PRR22: variants seen among roughly 807,000 people sequenced by gnomAD.
The protein encoded by PRR22 is proline-rich protein 22.
A neutral mutation model predicts 7.2 loss-of-function variants in PRR22; 5 were observed. That is an observed-to-expected ratio of 0.69 (90% CI 0.36 to 1.45). The LOEUF is 1.45. Among genes scored for constraint, PRR22 ranks in the 40% most tolerant of loss-of-function variants. The probability of loss-of-function intolerance (pLI) is 0.03; values close to 1 mark genes in which losing one functional copy is unlikely to be tolerated. For synonymous variants in PRR22, 319 were observed against 269.3 expected (o/e 1.18, Z -1.81); for missense variants, 619 against 568.8 (o/e 1.09, Z -0.90).
chr19:5,783,372 A>T lies in PRR22; in HGVS notation c.875T>A (p.Leu292His), dbSNP rs1449458898. 2 of 1,612,536 alleles carry T rather than the reference A, an allele frequency of 1.2e-6. No homozygotes were observed. The highest frequency in any genetic ancestry group is 3.3e-5 in the Admixed American group (2 of 59,990). The change falls in exon 3 of 3, where the codon CTC becomes CAC. Residue 292 changes from leucine to histidine, a missense_variant. Coordinates refer to ENST00000419421, the MANE Select transcript of PRR22 (RefSeq NM_001134316.2). Reference sequence around the variant, plus strand: ...AGAGGCGCCTGGCAGGCAGTCGAAGAGCTTCATGGCGTCCTCCAGCAGAAC... The same window carrying T: ...AGAGGCGCCTGGCAGGCAGTCGAAGTGCTTCATGGCGTCCTCCAGCAGAAC... ...DKVLLEDAMK[L>H]FDCLPGASEP...
Position 5,783,023 on chromosome 19 carries a change from G to T in PRR22, c.1224C>A (p.Ala408=), listed in dbSNP as rs754693488. Residue 408 remains alanine (A), a synonymous_variant, in exon 3 of 3, where the codon GCC becomes GCA. Coordinates refer to ENST00000419421, the MANE Select transcript of PRR22 (RefSeq NM_001134316.2). ...KARQPAGPAS[A]TPPGPREDLG... ...GGTCCTCCCTGGGCCCCGGGGGAGT[G>T]GCGCTGGCTGGGCCTGCCGGCTGCC... The T allele has an allele frequency of 6.4e-7, 1 of 1,554,932 alleles. No homozygotes were observed. The highest frequency in any genetic ancestry group is 1.2e-5 in the South Asian group (1 of 80,914).
chr19:5,783,078 G>A lies in PRR22; in HGVS notation c.1169C>T (p.Ala390Val), dbSNP rs1047128939. The change falls in exon 3 of 3, where the codon GCC (alanine) becomes GTC (valine). Residue 390 changes from alanine to valine, a missense_variant. Physicochemically the swap from Ala to Val is moderately conservative, Grantham distance 64. Coordinates refer to ENST00000419421, the MANE Select transcript of PRR22 (RefSeq NM_001134316.2). ...ILSGKRKAST[A>V]KKGKPGRKAR... ...CTTCCTTCCCGGCTTTCCCTTCTTGGCCGTCGAGGCCTTTCTCTTGCCAGA... is the reference window on the plus strand; with the variant it reads ...CTTCCTTCCCGGCTTTCCCTTCTTGACCGTCGAGGCCTTTCTCTTGCCAGA... 4.4e-6 allele frequency: 7 copies of A among 1,602,488 alleles called. No homozygotes were observed. Among genetic ancestry groups the A allele is most frequent in the Non-Finnish European group, 6.0e-6 (7 of 1,173,610 alleles).
Position 5,783,510 on chromosome 19 carries a change from T to C in PRR22, c.737A>G (p.Tyr246Cys). The change falls in exon 3 of 3, where the codon TAC (tyrosine) becomes TGC (cysteine). Residue 246 changes from tyrosine (Y) to cysteine (C), a missense_variant. Tyr to Cys is a radical substitution (Grantham distance 194). Transcript: ENST00000419421. ...GSGARPGVPL[Y>C]PPGLSELKVA... ...CTTGAGCTCGCTGAGGCCCGGTGGGTACAGGGGCACCCCAGGTCGGGCCCC... is the reference window on the plus strand; with the variant it reads ...CTTGAGCTCGCTGAGGCCCGGTGGGCACAGGGGCACCCCAGGTCGGGCCCC... 6.2e-7 allele frequency: 1 copy of C among 1,603,826 alleles called. No individual in the cohort carries two copies.
rs543253527 is a variant in PRR22 at position 5,784,726 on chromosome 19, C to T, written c.-66G>A. ...GCAGTGGGAGTGCAAGTGGCCCAAC[C>T]GGAGAACAGGCTGAGAACCTGGTGG... On this transcript the variant is annotated 5_prime_UTR_variant, in exon 1 of 3. Transcript: ENST00000419421. 1,789 of 1,504,706 alleles carry T rather than the reference C, an allele frequency of 1.2e-3. 16 individuals are homozygous for T. The highest frequency in any genetic ancestry group is 7.8e-3 in the South Asian group (624 of 79,864). The allele number at this position is 1,504,706 out of a possible 1,614,324, so 93.2% of individuals were successfully genotyped here. A position where few individuals can be genotyped will look rare whatever the true frequency, so the allele number is the denominator to read the frequency against.
In PRR22 at chr19:5,784,193, G is replaced by C. The variant is rs911141323; in HGVS notation, c.194-140C>G. 2.8e-6 allele frequency: 3 copies of C among 1,063,078 alleles called. No individual in the cohort carries two copies. In the African/African-American group the frequency reaches 4.7e-5, roughly 17 times the overall value. 65.9% of individuals were successfully genotyped at this position (1,063,078 alleles called of 1,614,324 possible). On this transcript the variant is annotated intron_variant, in intron 2 of 2. Coordinates refer to ENST00000419421, the MANE Select transcript of PRR22 (RefSeq NM_001134316.2). The stretch of plus-strand genomic sequence containing the variant: ...GGGGACGACATAGATATTGCTTTGG[G>C]GCCCTGGCTGGGTGATGGATGACAC...
rs771225778 is a variant in PRR22 at position 5,782,989 on chromosome 19, T to C, written c.1258A>G (p.Thr420Ala). 1.3e-5 allele frequency: 20 copies of C among 1,522,136 alleles called. No homozygotes were observed. The Admixed American group carries it at 4.4e-4, about 34-fold the overall frequency. 94.3% of individuals were successfully genotyped at this position (1,522,136 alleles called of 1,614,324 possible). ...PPGPREDLGA[T>A]PH The stretch of plus-strand genomic sequence containing the variant: ...AGGTCAAATGTGCTTTAATGCGGGG[T>C]GGCTCCCAGGTCCTCCCTGGGCCCC... Residue 420 changes from threonine to alanine, a missense_variant, in exon 3 of 3, where the codon ACC becomes GCC. Transcript: ENST00000419421.
At chr19:5,784,153 T>A in intron 2 of PRR22, 100 bp from the exon 3 acceptor site, 1 of 1,232,536 alleles carries the variant, frequency 8.1e-7, no homozygotes, top group Non-Finnish European at 1.2e-6. Context: ...ACCTTGCCAT[T>A]GGGGGGCCCC....
In PRR22 at chr19:5,784,358, G is replaced by C. The variant is rs759487249; in HGVS notation, c.193+19C>G. On this transcript the variant is annotated intron_variant, in intron 2 of 2. Coordinates refer to ENST00000419421, the MANE Select transcript of PRR22 (RefSeq NM_001134316.2). ...AAACCCACTCCCAGCCTCGTCAAGG[G>C]CTCAGGGGAGGCCGGTACCTGCTGG... is the stretch of plus-strand genomic sequence containing the variant. 6.2e-7 allele frequency: 1 copy of C among 1,609,632 alleles called. No individual in the cohort carries two copies. Among genetic ancestry groups the C allele is most frequent in the Non-Finnish European group, 8.5e-7 (1 of 1,178,090 alleles).
chr19:5,783,111 G>A lies in PRR22; in HGVS notation c.1136C>T (p.Pro379Leu). 1 of 1,611,542 alleles carries A rather than the reference G, an allele frequency of 6.2e-7. No individual in the cohort carries two copies. The highest frequency in any genetic ancestry group is 8.5e-7 in the Non-Finnish European group (1 of 1,179,134). The change falls in exon 3 of 3, where the codon CCC becomes CTC. Residue 379 changes from proline to leucine, a missense_variant. Coordinates refer to ENST00000419421, the MANE Select transcript of PRR22 (RefSeq NM_001134316.2). ...GGCCTTTCTCTTGCCAGACAGAATG[G>A]GGGCCGGGGTGTTGGTGGCAGGGGG... The part of the protein sequence containing the change: ...PGPPATNTPA[P>L]ILSGKRKAST...
Sources: gnomAD v4.1 joint callset for allele counts on GRCh38, gnomAD v4.1.1 for gene constraint, MANE v1.5 for transcripts, NCBI Gene and HGNC (gene_info 2026-07-23, HGNC 2026-07-21) for gene names.